The following SLC44A2 variants were observed in gnomAD, a reference collection of about 807,000 sequenced individuals.
The protein encoded by SLC44A2 is choline transporter-like protein 2.
A neutral mutation model predicts 90.8 loss-of-function variants in SLC44A2; 57 were observed. That is an observed-to-expected ratio of 0.63 (90% confidence interval 0.51 to 0.78). The LOEUF (loss-of-function observed/expected upper bound fraction) is 0.78, where lower values mean the gene tolerates loss of function less well. SLC44A2 is among the 30% of genes least tolerant of loss of function. SLC44A2 has a pLI of 0.00. For synonymous variants in SLC44A2, 355 were observed against 360.7 expected, an observed-to-expected ratio of 0.98 and a Z score of 0.18; for missense variants, 794 against 919.7, an observed-to-expected ratio of 0.86 and a Z score of 1.77.
At chr19:10,615,898 C>T (rs942100833) in intron 1 of SLC44A2, among the ~76,000 whole-genome samples, 2 of 152,034 alleles carry the variant, frequency 1.3e-5, no homozygotes, top group African/African-American at 2.4e-5. Flanking sequence ...GACATGGTGG[C>T]TCACACCTGT....
chr19:10,642,237 G>A (rs2144897191), intron 20 of SLC44A2, 130 bp from the exon 21 acceptor site: 1 of 710,296 alleles, frequency 1.4e-6, no homozygotes, highest in Admixed American at 2.1e-5. Context: ...GTGAGGGGTT[G>A]GGATGTCACT....
upstream of SLC44A2, chr19:10,625,350 C>T: frequency 1.4e-6 from 1 of 717,058 alleles, no homozygotes; most frequent in Non-Finnish European, 1.9e-6. Flanking sequence ...CAGGGTGTTC[C>T]CAGGGTGAAG....
rs765757938 is a variant in SLC44A2, at chr19:10,629,603, A to G, written c.246-1454A>G. On this transcript the variant is annotated intron_variant, in intron 4 of 21. Transcript: ENST00000335757. ...TATTATTATTATTACTATTATTATTATTTTGACACAGTGTCTCACTCTGTC... is the reference window on the plus strand; with the variant it reads ...TATTATTATTATTACTATTATTATTGTTTTGACACAGTGTCTCACTCTGTC... Among the ~76,000 whole-genome samples, 54 of 151,044 alleles carry G rather than the reference A, an allele frequency of 3.6e-4. 1 individual carries two copies. Among genetic ancestry groups the G allele is most frequent in the Non-Finnish European group, 7.1e-4 (48 of 67,800 alleles).
rs1217990112 is a variant in SLC44A2 at position 10,627,727 on chromosome 19, G to T, written c.92G>T (p.Cys31Phe). 4 of 1,613,074 alleles carry T rather than the reference G, an allele frequency of 2.5e-6. No homozygotes were observed. The African/African-American group carries it at 5.3e-5, about 22-fold the overall frequency. ...TFKGPIYNRG[C>F]TDIICCVFLL... is the part of the protein sequence containing the mutation. ...ACTGCCCCTCTGCTCCCCAGGGGCT[G>T]CACGGATATCATATGCTGTGTGTTC... Residue 31 changes from cysteine to phenylalanine, a missense_variant, in exon 3 of 22, where the codon TGC (cysteine) becomes TTC (phenylalanine). Physicochemically the swap from Cys to Phe is radical, Grantham distance 205. Coordinates refer to ENST00000335757, the MANE Select transcript of SLC44A2 (RefSeq NM_020428.4).
intron 14 of SLC44A2, 165 bp downstream of exon 14, chr19:10,635,680 G>T (rs183292863): frequency 6.2e-5 from 38 of 617,120 alleles, no homozygotes; most frequent in Non-Finnish European, 9.5e-5. Context: ...TCTCTAACTG[G>T]ATCGAACAAC....
chr19:10,637,367 A>T (rs901129923), intron 16 of SLC44A2, among the ~76,000 whole-genome samples: 2 of 152,088 alleles, frequency 1.3e-5, no homozygotes, highest in African/African-American at 2.4e-5. Flanking sequence ...AAGGAAAAAA[A>T]ACTGGTTTAT....
upstream of SLC44A2, among the ~76,000 whole-genome samples, chr19:10,621,260 G>A (rs1376564046): frequency 6.6e-6 from 1 of 151,808 alleles, no homozygotes; most frequent in Non-Finnish European, 1.5e-5. Flanking sequence ...CCTGAGGCAG[G>A]AGAACTACTT....
intron 10 of SLC44A2, among the ~76,000 whole-genome samples, chr19:10,632,590 T>C (rs1296041412): frequency 6.6e-6 from 1 of 150,660 alleles, no homozygotes; most frequent in South Asian, 2.1e-4. Context: ...GGATGCATAC[T>C]CTGGTATCAG....
intron 20 of SLC44A2, among the ~76,000 whole-genome samples, chr19:10,638,988 G>A (rs575729504): frequency 5.9e-5 from 9 of 152,112 alleles, no homozygotes; most frequent in African/African-American, 1.4e-4. Flanking sequence ...TAGTAGAGAC[G>A]GGGTTTCTCC....
At chr19:10,636,227 A>G in intron 14 of SLC44A2, 96 bp from the exon 15 acceptor site, 1 of 1,407,964 alleles carries the variant, frequency 7.1e-7, no homozygotes, top group East Asian at 2.3e-5. Flanking sequence ...CTCCTGTCCT[A>G]CCTCATGGTT....
intron 10 of SLC44A2, among the ~76,000 whole-genome samples, chr19:10,632,524 G>A (rs2067008525): frequency 1.5e-5 from 2 of 131,162 alleles, no homozygotes; most frequent in East Asian, 2.3e-4. Context: ...CAACAAGAGC[G>A]AAACTCCATC....
chr19:10,602,599 C>A, intron 1 of SLC44A2: 1 of 1,252,758 alleles, frequency 8.0e-7, no homozygotes, highest in Non-Finnish European at 1.0e-6. Context: ...CCTCTGCTGA[C>A]CTGCGGGTGG....
intron 20 of SLC44A2, chr19:10,641,431 C>T (rs1403743312): frequency 4.6e-6 from 2 of 438,058 alleles, no homozygotes; most frequent in Non-Finnish European, 9.0e-6. Flanking sequence ...CTCTAGGTGT[C>T]GTAGGTGGTT....
Position 10,637,904 on chromosome 19 carries a change from T to C in SLC44A2, c.1744T>C (p.Phe582Leu). ...NFCTSARNAF[F>L]LLMRNIIRVA... ...CTGCACCTCGGCCAGGAATGCCTTC[T>C]TCCTGCTCATGAGAAACATCATCAG... is the stretch of plus-strand genomic sequence containing the variant. The change falls in exon 18 of 22, where the codon TTC (phenylalanine) becomes CTC (leucine). Residue 582 changes from phenylalanine (F) to leucine (L), a missense_variant. Phe to Leu is a conservative substitution (Grantham distance 22). This residue lies in a region of SLC44A2 where 738 missense variants were observed against 841.1 expected (regional missense o/e 0.88). Transcript: ENST00000335757. The C allele has an allele frequency of 6.2e-7, 1 of 1,614,142 alleles. No individual in the cohort carries two copies. Among genetic ancestry groups the C allele is most frequent in the Non-Finnish European group, 8.5e-7 (1 of 1,180,030 alleles).
At chr19:10,625,736 G>A in intron 1 of SLC44A2, 66 bp downstream of exon 1, 1 of 1,204,242 alleles carries the variant, frequency 8.3e-7, no homozygotes, top group Non-Finnish European at 1.0e-6. Flanking sequence ...GGCCTTGAGA[G>A]AACATGGGGC....
At chr19:10,641,286 T>C (rs1450922698) in intron 20 of SLC44A2, 4 of 379,564 alleles carry the variant, frequency 1.1e-5, no homozygotes, top group African/African-American at 2.2e-5. Flanking sequence ...CCCAGCTCCT[T>C]GTAAGCCTGA....
At chr19:10,604,355 C>T (rs1342003272) in intron 1 of SLC44A2, among the ~76,000 whole-genome samples, 2 of 152,198 alleles carry the variant, frequency 1.3e-5, no homozygotes, top group African/African-American at 4.8e-5. Flanking sequence ...TACTTAATTA[C>T]ATTTTGCCTT....
intron 16 of SLC44A2, chr19:10,637,217 G>A (rs1258285989): frequency 1.4e-5 from 3 of 218,020 alleles, no homozygotes; most frequent in Non-Finnish European, 2.8e-5. Flanking sequence ...AGGCATGGTG[G>A]TGTGTGCGTC....
In SLC44A2 at chr19:10,634,864, T is replaced by TA. The variant is rs1381666848; in HGVS notation, c.933dup (p.Arg312ThrfsTer15). 3.7e-6 allele frequency: 6 copies of TA among 1,614,078 alleles called. No homozygotes were observed. Among genetic ancestry groups the TA allele is most frequent in the Non-Finnish European group, 4.2e-6 (5 of 1,180,044 alleles). On this transcript the variant is annotated frameshift_variant, in exon 11 of 22. Transcript: ENST00000335757. LOFTEE classifies it high-confidence loss of function. ...ACGGATTTCCGGGTGTACCTGCACT[T>TA]ACGGCAGACCTGGTTGGCCTTTAGT...
Sources: allele counts gnomAD v4.1 joint callset (sites outside exome capture counted in the v4.1 genomes callset), GRCh38; gene constraint gnomAD v4.1.1; regional missense constraint gnomAD v4.1.1; transcripts MANE v1.5; gene names NCBI Gene and HGNC (gene_info 2026-07-23, HGNC 2026-07-21).